Variants in RPA3 observed in about 807,000 individuals in gnomAD.
RPA3 encodes replication protein A 14 kDa subunit.
A neutral mutation model predicts 13.7 loss-of-function variants in RPA3; 24 were observed. The observed-to-expected ratio is 1.75, with a 90% CI of 1.27 to 2.46. The LOEUF (loss-of-function observed/expected upper bound fraction) is 2.46, where lower values mean the gene tolerates loss of function less well. RPA3 is among the 30% of genes most tolerant of loss of function. RPA3 has a pLI of 0.00. For synonymous variants in RPA3, 59 were observed against 51.2 expected (o/e 1.15, Z -0.65); for missense variants, 183 against 151.0 (o/e 1.21, Z -1.11).
chr7:7,717,358 C>T (rs1308477344), intron 1 of RPA3, among the ~76,000 whole-genome samples: 1 of 152,086 alleles, frequency 6.6e-6, no homozygotes, highest in African/African-American at 2.4e-5. Flanking sequence ...CGCCCAGCCT[C>T]CTGTTTCTTT....
intron 4 of RPA3, among the ~76,000 whole-genome samples, chr7:7,665,012 TATAC>T (rs1414718673): frequency 1.3e-5 from 2 of 152,096 alleles, no homozygotes; most frequent in East Asian, 1.9e-4. Context: ...GATATATATA[TATAC>T]ACACACACAC....
At chr7:7,711,308 G>A (rs879187946) in intron 2 of RPA3, among the ~76,000 whole-genome samples, 2 of 152,140 alleles carry the variant, frequency 1.3e-5, no homozygotes, top group Admixed American at 6.5e-5. Context: ...AAACATCCTT[G>A]TACATGTCTC....
chr7:7,706,660 A>C (rs567273461), intron 2 of RPA3, among the ~76,000 whole-genome samples: 8 of 152,308 alleles, frequency 5.3e-5, no homozygotes, highest in Admixed American at 4.6e-4. Flanking sequence ...AAGAACTCTA[A>C]GAACTTAGTA....
chr7:7,661,723 C>T lies in RPA3; in HGVS notation c.-757-20548G>A, dbSNP rs1329772791. 3.9e-5 allele frequency among the ~76,000 whole-genome samples: 6 copies of T among 152,166 alleles called. No individual in the cohort carries two copies. The East Asian group carries it at 9.6e-4, about 24-fold the overall frequency. On this transcript the variant is annotated intron_variant, in intron 4 of 7. Transcript: ENST00000223129. ...CCCACCAGATGCCAGCCAGAGCTCT[C>T]CTCTATGAGGTGTCTGTCGGCCCCT...
At chr7:7,717,609 C>T (rs1248043550) in intron 1 of RPA3, among the ~76,000 whole-genome samples, 1 of 152,220 alleles carries the variant, frequency 6.6e-6, no homozygotes, top group Non-Finnish European at 1.5e-5. Context: ...GTCTCAATCA[C>T]ATTGGCTAAC....
At chr7:7,716,815 G>C (rs917415709) in intron 1 of RPA3, among the ~76,000 whole-genome samples, 2 of 152,094 alleles carry the variant, frequency 1.3e-5, no homozygotes, top group East Asian at 1.9e-4. Context: ...GCATGGTGGC[G>C]GGCGCCCATA....
intron 6 of RPA3, chr7:7,638,471 G>C (rs1784900127): frequency 6.5e-6 from 1 of 152,994 alleles, no homozygotes; most frequent in Admixed American, 6.5e-5. Context: ...GGCTGGTCGA[G>C]GCAGGAGGAT....
At position 7,717,356 on chromosome 7, in the gene RPA3, C is replaced by T. The variant is rs566168634; in HGVS notation, c.-1080+1159G>A. 5.1e-4 allele frequency among the ~76,000 whole-genome samples: 77 copies of T among 152,302 alleles called. 1 individual carries two copies. Among genetic ancestry groups the T allele is most frequent in the Non-Finnish European group, 2.5e-4 (17 of 68,028 alleles). ...ACAGGCATAAGCCACCTCGCCCAGC[C>T]TCCTGTTTCTTTCATCTATTAAAAC... On this transcript the variant is annotated intron_variant, in intron 1 of 7. Transcript: ENST00000223129.
chr7:7,715,828 TA>T (rs1554318925), intron 1 of RPA3, among the ~76,000 whole-genome samples: 3 of 152,158 alleles, frequency 2.0e-5, no homozygotes, highest in Non-Finnish European at 4.4e-5. Flanking sequence ...TCATATAAAA[TA>T]GAATAGCATC....
chr7:7,637,848 A>G lies in RPA3; in HGVS notation c.283+16T>C. Reference sequence around the variant, plus strand: ...TAATTACATAAAACCAGTCAATACTAGAATGCTTTATTTACCAAAAGGATG... The same window carrying G: ...TAATTACATAAAACCAGTCAATACTGGAATGCTTTATTTACCAAAAGGATG... On this transcript the variant is annotated intron_variant, in intron 7 of 7. Transcript: ENST00000223129. The G allele has an allele frequency of 6.4e-7, 1 of 1,571,894 alleles. No individual in the cohort carries two copies. The highest frequency in any genetic ancestry group is 8.8e-7 in the Non-Finnish European group (1 of 1,142,650).
Position 7,636,539 on chromosome 7 carries a change from T to G in RPA3, c.*461A>C, listed in dbSNP as rs1784870570. On this transcript the variant is annotated 3_prime_UTR_variant, in exon 8 of 8. Coordinates refer to ENST00000223129, the MANE Select transcript of RPA3 (RefSeq NM_002947.5). ...TTTTAATGTCATCTACTTCATTTTG[T>G]AAGTAGGGTATCAAGGAAATAATTA... 6.4e-6 allele frequency: 1 copy of G among 155,174 alleles called. No homozygotes were observed. Among genetic ancestry groups the G allele is most frequent in the African/African-American group, 2.4e-5 (1 of 41,416 alleles). 9.6% of individuals were successfully genotyped at this position (155,174 alleles called of 1,614,324 possible). A position where few individuals can be genotyped will look rare whatever the true frequency, so the allele number is the denominator to read the frequency against.
intron 4 of RPA3, among the ~76,000 whole-genome samples, chr7:7,668,379 T>G (rs1779523195): frequency 6.6e-6 from 1 of 152,152 alleles, no homozygotes; most frequent in South Asian, 2.1e-4. Flanking sequence ...AATTTATGAG[T>G]ACAGTACTAT....
chr7:7,647,721 T>C (rs1319469592), intron 4 of RPA3, among the ~76,000 whole-genome samples: 23 of 152,188 alleles, frequency 1.5e-4, no homozygotes, highest in Admixed American at 1.4e-3. Context: ...CTCAGCTTTC[T>C]GAGTAGCTGG....
At chr7:7,651,721 A>G (rs998531379) in intron 4 of RPA3, among the ~76,000 whole-genome samples, 2 of 152,154 alleles carry the variant, frequency 1.3e-5, no homozygotes, top group Admixed American at 6.5e-5. Flanking sequence ...TCAATTCCCA[A>G]AGGCTAACAG....
chr7:7,704,598 G>GAAA lies in RPA3; in HGVS notation c.-1028+10574_-1028+10576dup, dbSNP rs35661728. ...GTGAAACCCTGTCTCTACTAAAATA[G>GAAA]AAAAAAAAAAAAAAAAAAAATTAGC... On this transcript the variant is annotated intron_variant, in intron 2 of 7. Coordinates refer to ENST00000223129, the MANE Select transcript of RPA3 (RefSeq NM_002947.5). 1.5e-4 allele frequency among the ~76,000 whole-genome samples: 14 copies of GAAA among 93,610 alleles called. 1 individual carries two copies. The highest frequency in any genetic ancestry group is 5.1e-4 in the African/African-American group (13 of 25,656). The allele number at this position is 93,610 out of a possible 152,430, so 61.4% of individuals were successfully genotyped here. A position where few individuals can be genotyped will look rare whatever the true frequency, so the allele number is the denominator to read the frequency against.
At chr7:7,674,565 T>A (rs1437313090) in intron 4 of RPA3, among the ~76,000 whole-genome samples, 1 of 152,222 alleles carries the variant, frequency 6.6e-6, no homozygotes, top group African/African-American at 2.4e-5. Context: ...ACCAGATCCC[T>A]TATACCTGAG....
chr7:7,716,929 A>C (rs182896712), intron 1 of RPA3, among the ~76,000 whole-genome samples: 2 of 152,126 alleles, frequency 1.3e-5, no homozygotes, highest in African/African-American at 4.8e-5. Flanking sequence ...CTCGTGCCCT[A>C]TGTAAATCAG....
intron 2 of RPA3, among the ~76,000 whole-genome samples, chr7:7,714,430 T>A (rs528455272): frequency 7.6e-4 from 116 of 152,368 alleles, no homozygotes; most frequent in African/African-American, 2.6e-3. Context: ...TAAGAGGTTG[T>A]ACTTAAACAT....
At chr7:7,708,937 G>A (rs1780678308) in intron 2 of RPA3, among the ~76,000 whole-genome samples, 1 of 151,968 alleles carries the variant, frequency 6.6e-6, no homozygotes, top group African/African-American at 2.4e-5. Context: ...CTGTGTGTGT[G>A]TGAGAGAGAG....
Sources: gnomAD v4.1 joint callset for allele counts (sites outside exome capture counted in the v4.1 genomes callset) on GRCh38, gnomAD v4.1.1 for gene constraint, MANE v1.5 for transcripts, NCBI Gene and HGNC (gene_info 2026-07-23, HGNC 2026-07-21) for gene names.